ARHGEF4: variants seen among roughly 807,000 people sequenced by gnomAD.
ARHGEF4 encodes the protein APC-stimulated guanine nucleotide exchange factor 1.
In ARHGEF4, 119 loss-of-function variants were observed where a neutral mutation model predicts 162.0. The ratio of observed to expected loss-of-function variants is 0.73; its 90% CI spans 0.63 to 0.86. ARHGEF4 has a LOEUF of 0.86. Ranked by LOEUF, ARHGEF4 falls within the 40% of genes least tolerant of loss-of-function variation. The pLI is 0.00. For missense variants in ARHGEF4, 2,488 were observed against 2,456.0 expected, an observed-to-expected ratio of 1.01 and a Z score of -0.28; for synonymous variants, 1,014 against 979.9, an observed-to-expected ratio of 1.03 and a Z score of -0.65.
chr2:130,899,557 G>A (rs1006401794), intron 1 of ARHGEF4, among the ~76,000 whole-genome samples: 2 of 152,230 alleles, frequency 1.3e-5, no homozygotes, highest in Non-Finnish European at 2.9e-5. Flanking sequence ...ACTTCAGGGA[G>A]CCAGAGGGAC....
intron 3 of ARHGEF4, among the ~76,000 whole-genome samples, chr2:130,945,628 C>T (rs953396167): frequency 6.6e-6 from 1 of 152,118 alleles, no homozygotes; most frequent in African/African-American, 2.4e-5. Context: ...CAGACCAGGG[C>T]ACACCACAGG....
intron 4 of ARHGEF4, among the ~76,000 whole-genome samples, chr2:131,010,709 G>T (rs910280682): frequency 6.6e-6 from 1 of 152,202 alleles, no homozygotes; most frequent in African/African-American, 2.4e-5. Context: ...GAGGGGGTGG[G>T]GTAGAGAGAA....
In ARHGEF4 at chr2:130,914,908, G is replaced by T; in HGVS notation, c.962G>T (p.Arg321Met). Residue 321 changes from arginine (R) to methionine (M), a missense_variant, in exon 2 of 14, where the codon AGG becomes ATG. Transcript: ENST00000409359. Reference sequence around the variant, plus strand: ...CCAGAAACTACTGGTGACAAGAACAGGGCATCCCCCAGACTCAACTGTGGG... The same window carrying T: ...CCAGAAACTACTGGTGACAAGAACATGGCATCCCCCAGACTCAACTGTGGG... ...SAPETTGDKNRASPRLNCGHM... is the reference protein window; with the variant it reads ...SAPETTGDKNMASPRLNCGHM... The T allele has an allele frequency of 6.6e-7, 1 of 1,519,920 alleles. No homozygotes were observed. The highest frequency in any genetic ancestry group is 1.4e-5 in the African/African-American group (1 of 72,484). The allele number at this position is 1,519,920 out of a possible 1,614,324, so 94.2% of individuals were successfully genotyped here.
intron 4 of ARHGEF4, among the ~76,000 whole-genome samples, chr2:131,026,218 C>T (rs764954264): frequency 6.6e-6 from 1 of 152,120 alleles, no homozygotes; most frequent in Non-Finnish European, 1.5e-5. Context: ...CTCTATACCA[C>T]AAAAATCATT....
intron 1 of ARHGEF4, among the ~76,000 whole-genome samples, chr2:130,904,130 C>T (rs538451740): frequency 7.2e-4 from 109 of 152,228 alleles, no homozygotes; most frequent in African/African-American, 2.6e-3. Flanking sequence ...ATTTGCATTC[C>T]CACCACAGTG....
chr2:130,904,345 A>G (rs974460213), intron 1 of ARHGEF4, among the ~76,000 whole-genome samples: 2 of 152,054 alleles, frequency 1.3e-5, no homozygotes, highest in African/African-American at 4.8e-5. Flanking sequence ...GTGTTATATT[A>G]TGGGCCTTGG....
At chr2:130,980,156 G>A (rs1456924175) in intron 4 of ARHGEF4, among the ~76,000 whole-genome samples, 1 of 152,120 alleles carries the variant, frequency 6.6e-6, no homozygotes, top group Admixed American at 6.6e-5. Context: ...CAGCAATTTG[G>A]GATGCCGAGG....
rs777171533 is a variant in ARHGEF4 at position 130,917,225 on chromosome 2, G to A, written c.3279G>A (p.Lys1093=). 1.3e-6 allele frequency: 2 copies of A among 1,550,480 alleles called. No individual in the cohort carries two copies. The highest frequency in any genetic ancestry group is 1.7e-6 in the Non-Finnish European group (2 of 1,146,970). The change falls in exon 2 of 14, where the codon AAG becomes AAA. Residue 1093 remains lysine, a synonymous_variant. Coordinates refer to ENST00000409359, the MANE Select transcript of ARHGEF4 (RefSeq NM_001367493.1). ...CGCCCTGCAGACCCACGAGCCCCAA[G>A]CCCCTGAGTCCCAGGCCTAGTGCTC... ...PGTPCRPTSP[K]PLSPRPSAQR... is the part of the protein sequence containing the mutation.
intron 1 of ARHGEF4, among the ~76,000 whole-genome samples, chr2:130,885,155 G>C (rs1679433476): frequency 6.6e-6 from 1 of 152,020 alleles, no homozygotes; most frequent in African/African-American, 2.4e-5. Context: ...CACTGGAGTG[G>C]CTCTGAGTTT....
In ARHGEF4 at chr2:131,043,527, A is replaced by G. The variant is rs1438792126; in HGVS notation, c.5101A>G (p.Lys1701Glu). 1.9e-6 allele frequency: 3 copies of G among 1,614,124 alleles called. No individual in the cohort carries two copies. The highest frequency in any genetic ancestry group is 1.1e-5 in the South Asian group (1 of 91,084). Residue 1701 changes from lysine to glutamate, a missense_variant, in exon 11 of 14, where the codon AAA becomes GAA. By Grantham distance (56) the Lys-to-Glu change is moderately conservative (BLOSUM62 1). This residue lies in a region of ARHGEF4 where 415 missense variants were observed against 512.4 expected (regional missense o/e 0.81). Transcript: ENST00000409359. ...ELTRVTQPQA[K>E]SQQRMFFLFD... Reference sequence around the variant, plus strand: ...GACTCGAGTTACACAGCCTCAAGCCAAAAGCCAGCAGCGAATGTTCTTTCT... The same window carrying G: ...GACTCGAGTTACACAGCCTCAAGCCGAAAGCCAGCAGCGAATGTTCTTTCT...
In ARHGEF4 at chr2:130,915,998, A is replaced by T. The variant is rs1340589135; in HGVS notation, c.2052A>T (p.Pro684=). 1.3e-6 allele frequency: 2 copies of T among 1,550,392 alleles called. No homozygotes were observed. The highest frequency in any genetic ancestry group is 2.7e-5 in the African/African-American group (2 of 73,050). The change falls in exon 2 of 14, where the codon CCA becomes CCT. Residue 684 remains proline, a synonymous_variant. Coordinates refer to ENST00000409359, the MANE Select transcript of ARHGEF4 (RefSeq NM_001367493.1). ...AGTCTCCCACTAGGGGGAAAACACC[A>T]GCCGGTAATGAGTGTGAGTTGCCAG... ...PCESPTRGKT[P]AGNECELPAA...
At chr2:130,963,437 C>T (rs940291746) in intron 4 of ARHGEF4, among the ~76,000 whole-genome samples, 1 of 152,040 alleles carries the variant, frequency 6.6e-6, no homozygotes, top group African/African-American at 2.4e-5. Context: ...TGGGAGGCGC[C>T]GCCAACCGTC....
At chr2:130,918,867 A>G (rs1324250749) in intron 2 of ARHGEF4, among the ~76,000 whole-genome samples, 2 of 152,112 alleles carry the variant, frequency 1.3e-5, no homozygotes, top group Non-Finnish European at 2.9e-5. Context: ...TACTGTTACT[A>G]CTGAAGTTTA....
At position 131,029,037 on chromosome 2, in the gene ARHGEF4, C is replaced by CA. The variant is rs1397811338; in HGVS notation, c.4125+953_4125+954insA. On this transcript the variant is annotated intron_variant, in intron 5 of 13. Transcript: ENST00000409359. ...GGAATCAAAGGCCCATGAACTCCTC[C>CA]TAGAGGCCCAGCTCTAGATGATGAT... Among the ~76,000 whole-genome samples, 789 of 152,276 alleles carry CA rather than the reference C, an allele frequency of 5.2e-3. 6 individuals are homozygous for CA. The highest frequency in any genetic ancestry group is 0.016 in the African/African-American group (685 of 41,550).
At chr2:130,945,078 A>G (rs545217321) in intron 3 of ARHGEF4, among the ~76,000 whole-genome samples, 1 of 152,238 alleles carries the variant, frequency 6.6e-6, no homozygotes, top group South Asian at 2.1e-4. Flanking sequence ...CCCATGGTTC[A>G]GTTCCCAAAA....
chr2:130,850,296 CCTGGTACCCCT>C (rs995189865), intron 1 of ARHGEF4, among the ~76,000 whole-genome samples: 5 of 152,210 alleles, frequency 3.3e-5, no homozygotes, highest in African/African-American at 1.2e-4. Flanking sequence ...CTGCTGTGTC[CCTGGTACCCCT>C]CATATGGAGA....
chr2:130,883,721 G>A (rs541761896), intron 1 of ARHGEF4, among the ~76,000 whole-genome samples: 11 of 152,180 alleles, frequency 7.2e-5, no homozygotes, highest in South Asian at 2.1e-4. Context: ...TGGCACGTGG[G>A]TTGAGTGCCC....
chr2:130,916,341 T>A lies in ARHGEF4; in HGVS notation c.2395T>A (p.Ser799Thr), dbSNP rs755186028. The A allele has an allele frequency of 1.4e-4, 220 of 1,542,712 alleles. No individual in the cohort carries two copies. The highest frequency in any genetic ancestry group is 2.2e-4 in the Admixed American group (11 of 50,694). Residue 799 changes from serine to threonine, a missense_variant, in exon 2 of 14, where the codon TCC becomes ACC. Ser to Thr is a moderately conservative substitution (Grantham distance 58, BLOSUM62 1). Coordinates refer to ENST00000409359, the MANE Select transcript of ARHGEF4 (RefSeq NM_001367493.1). Reference sequence around the variant, plus strand: ...GCGCCCGACGTTTTCCAAGGTGACCTCCTTCAGGAAGGGCAGGCCCTTGGC... The same window carrying A: ...GCGCCCGACGTTTTCCAAGGTGACCACCTTCAGGAAGGGCAGGCCCTTGGC... ...GKRPTFSKVT[S>T]FRKGRPLATE...
At position 130,897,919 on chromosome 2, in the gene ARHGEF4, G is replaced by A. The variant is rs374325928; in HGVS notation, c.40-16067G>A. On this transcript the variant is annotated intron_variant, in intron 1 of 13. Coordinates refer to ENST00000409359, the MANE Select transcript of ARHGEF4 (RefSeq NM_001367493.1). The stretch of plus-strand genomic sequence containing the variant: ...TGAAGGCTGCAGATTGGCAAATACC[G>A]GGCGACAGAAACTATTTTAGCTGCA... Among the ~76,000 whole-genome samples the A allele has an allele frequency of 1.9e-4, 29 of 152,258 alleles. 1 individual carries two copies. The highest frequency in any genetic ancestry group is 8.3e-4 in the South Asian group (4 of 4,820).
Sources: allele counts gnomAD v4.1 joint callset (sites outside exome capture counted in the v4.1 genomes callset), GRCh38; gene constraint gnomAD v4.1.1; regional missense constraint gnomAD v4.1.1; transcripts MANE v1.5; gene names NCBI Gene and HGNC (gene_info 2026-07-23, HGNC 2026-07-21).